RGS10: variants seen among roughly 807,000 people sequenced by gnomAD.
The protein encoded by RGS10 is regulator of G protein signaling 10, also known as regulator of G-protein signalling 10.
A neutral mutation model predicts 23.5 loss-of-function variants in RGS10; 11 were observed. The observed-to-expected ratio is 0.47, with a 90% CI of 0.29 to 0.77. The LOEUF (loss-of-function observed/expected upper bound fraction) is 0.77, where lower values mean the gene tolerates loss of function less well. Ranked by LOEUF, RGS10 falls within the 30% of genes least tolerant of loss-of-function variation. The pLI is 0.08. For synonymous variants in RGS10, 77 were observed against 83.2 expected, an observed-to-expected ratio of 0.92 and a Z score of 0.41; for missense variants, 180 against 226.3, an observed-to-expected ratio of 0.80 and a Z score of 1.31.
intron 1 of RGS10, among the ~76,000 whole-genome samples, chr10:119,528,748 C>T (rs1158128356): frequency 1.3e-5 from 2 of 152,000 alleles, no homozygotes; most frequent in South Asian, 2.1e-4. Context: ...GCAGGAGAAA[C>T]GCTTGAACCC....
chr10:119,514,148 G>T (rs891912438), intron 4 of RGS10, among the ~76,000 whole-genome samples: 1 of 152,126 alleles, frequency 6.6e-6, no homozygotes, highest in East Asian at 1.9e-4. Flanking sequence ...TTGAGGCCAG[G>T]AGTTCGGGAC....
rs1446919343 is a variant in RGS10, at chr10:119,524,594, G to T, written c.255+1438C>A. 1.3e-5 allele frequency among the ~76,000 whole-genome samples: 2 copies of T among 152,104 alleles called. No individual in the cohort carries two copies. Among genetic ancestry groups the T allele is most frequent in the Non-Finnish European group, 2.9e-5 (2 of 68,004 alleles). ...GGTGCTGGAGACAAAGGACAACAAT[G>T]AGGCTCTTGTTCTGAAGGCCCTCAG... On this transcript the variant is annotated intron_variant, in intron 3 of 4. Transcript: ENST00000369103. This position sits in a 1 kb window ranked among gnomAD's most constrained non-coding sequence, Gnocchi z 5.2.
chr10:119,502,931 G>T (rs950279649), intron 4 of RGS10, among the ~76,000 whole-genome samples: 3 of 152,180 alleles, frequency 2.0e-5, no homozygotes, highest in African/African-American at 7.2e-5. Context: ...GCCCTCGTGC[G>T]CCTGGGCTGT....
intron 4 of RGS10, among the ~76,000 whole-genome samples, chr10:119,512,966 C>T (rs1476333397): frequency 6.6e-6 from 1 of 152,018 alleles, no homozygotes; most frequent in Non-Finnish European, 1.5e-5. Context: ...CTTATTAGGC[C>T]ACATCTGTTA....
At chr10:119,516,063 C>T (rs1259928184) in intron 3 of RGS10, among the ~76,000 whole-genome samples, 16 of 152,074 alleles carry the variant, frequency 1.1e-4, no homozygotes, top group East Asian at 1.9e-4. Flanking sequence ...AGCAGCCTGG[C>T]CAACATGGTG....
At chr10:119,516,644 C>T (rs968627634) in intron 3 of RGS10, among the ~76,000 whole-genome samples, 5 of 152,182 alleles carry the variant, frequency 3.3e-5, no homozygotes, top group African/African-American at 9.7e-5. Flanking sequence ...CCTCAAGTCC[C>T]GAGTGCAGTC....
chr10:119,531,733 A>G (rs1430015772), intron 1 of RGS10, among the ~76,000 whole-genome samples: 5 of 152,154 alleles, frequency 3.3e-5, no homozygotes, highest in Admixed American at 6.5e-5. Context: ...GATGGACCCA[A>G]TACTGGGACC....
At position 119,534,300 on chromosome 10, in the gene RGS10, T is replaced by TA. The variant is rs1437938270; in HGVS notation, c.50-6877dup. 3.8e-3 allele frequency among the ~76,000 whole-genome samples: 350 copies of TA among 92,376 alleles called. 2 individuals carry two copies. Among genetic ancestry groups the TA allele is most frequent in the Non-Finnish European group, 5.6e-3 (212 of 37,926 alleles). The allele number at this position is 92,376 out of a possible 152,430, so 60.6% of individuals were successfully genotyped here. ...ATAAATAAATAAATAAATAAATAAA[T>TA]AAATAAAAAAGGCCAGGCACTGTGG... On this transcript the variant is annotated intron_variant, in intron 1 of 4. Coordinates refer to ENST00000369103, the MANE Select transcript of RGS10 (RefSeq NM_001005339.2).
intron 4 of RGS10, among the ~76,000 whole-genome samples, chr10:119,510,106 G>T (rs1004443415): frequency 2.6e-4 from 39 of 152,260 alleles, no homozygotes; most frequent in African/African-American, 8.4e-4. Context: ...TGCCCAACTG[G>T]TATGGGACGG....
At chr10:119,502,563 A>G (rs1385791974) in intron 4 of RGS10, among the ~76,000 whole-genome samples, 1 of 152,078 alleles carries the variant, frequency 6.6e-6, no homozygotes, top group Non-Finnish European at 1.5e-5. Context: ...TAGAGAAGAA[A>G]AAAGGCCGGT....
rs1339244426 is a variant in RGS10, at chr10:119,538,901, G to A, written c.49+3689C>T. On this transcript the variant is annotated intron_variant, in intron 1 of 4. Coordinates refer to ENST00000369103, the MANE Select transcript of RGS10 (RefSeq NM_001005339.2). The surrounding 1 kb of genome is among the most constrained non-coding windows in gnomAD (Gnocchi z 4.5). Reference sequence around the variant, plus strand: ...AACAGGTTCCCAGAGCCCAGCATCTGGGGACTCACTCCACCCAGGGAGGGA... The same window carrying A: ...AACAGGTTCCCAGAGCCCAGCATCTAGGGACTCACTCCACCCAGGGAGGGA... Among the ~76,000 whole-genome samples, 2 of 152,142 alleles carry A rather than the reference G, an allele frequency of 1.3e-5. No individual in the cohort carries two copies. The highest frequency in any genetic ancestry group is 2.4e-5 in the African/African-American group (1 of 41,434).
chr10:119,535,000 G>A lies in RGS10; in HGVS notation c.50-7576C>T, dbSNP rs529273409. Among the ~76,000 whole-genome samples, 12 of 152,258 alleles carry A rather than the reference G, an allele frequency of 7.9e-5. No individual in the cohort carries two copies. In the South Asian group the frequency reaches 1.0e-3, roughly 13 times the overall value. On this transcript the variant is annotated intron_variant, in intron 1 of 4. Transcript: ENST00000369103. ...TCAGTTCTCACAATAACCTACTGAC[G>A]TGGTTAGTATTATTTCCACTTTGCA...
chr10:119,521,721 GA>G (rs34525549), intron 3 of RGS10, among the ~76,000 whole-genome samples: 80,239 of 136,254 alleles, frequency 0.59, 23,995 homozygotes, highest in South Asian at 0.73. Context: ...GGGAAAAAAA[GA>G]AAAAAAAAAA....
At chr10:119,508,799 T>G (rs1468702273) in intron 4 of RGS10, among the ~76,000 whole-genome samples, 1 of 152,174 alleles carries the variant, frequency 6.6e-6, no homozygotes, top group Non-Finnish European at 1.5e-5. Context: ...TTCAATAACT[T>G]AAGATAATTT....
At chr10:119,537,307 C>T (rs943151756) in intron 1 of RGS10, among the ~76,000 whole-genome samples, 97 of 149,096 alleles carry the variant, frequency 6.5e-4, no homozygotes, top group African/African-American at 2.3e-3. Flanking sequence ...GCTTGAACCC[C>T]GGAGGTAGAG....
At chr10:119,537,675 A>C (rs1044574455) in intron 1 of RGS10, among the ~76,000 whole-genome samples, 29 of 152,144 alleles carry the variant, frequency 1.9e-4, no homozygotes, top group African/African-American at 7.0e-4. Context: ...TGAGGAGAGG[A>C]GGCCAGGGGT....
chr10:119,515,309 G>T, intron 4 of RGS10, 200 bp downstream of exon 4: 1 of 611,638 alleles, frequency 1.6e-6, no homozygotes, highest in South Asian at 2.0e-5. Flanking sequence ...CAGGCCTGGG[G>T]GGACTCCTGT....
intron 1 of RGS10, chr10:119,536,662 G>A: frequency 3.3e-6 from 2 of 597,738 alleles, no homozygotes; most frequent in East Asian, 3.0e-5. Context: ...TCTACTAGAG[G>A]GAAGGAAATA....
chr10:119,529,757 A>G (rs1844314287), intron 1 of RGS10, among the ~76,000 whole-genome samples: 1 of 152,184 alleles, frequency 6.6e-6, no homozygotes, highest in Non-Finnish European at 1.5e-5. Flanking sequence ...ACATGTTTCT[A>G]TAAAAAAAAG....
Sources: gnomAD v4.1 joint callset for allele counts (sites outside exome capture counted in the v4.1 genomes callset) on GRCh38, gnomAD v4.1.1 for gene constraint, Gnocchi (gnomAD v3.1) non-coding constraint, MANE v1.5 for transcripts, NCBI Gene and HGNC (gene_info 2026-07-23, HGNC 2026-07-21) for gene names.